Variants in ZCCHC14 observed in about 807,000 individuals in gnomAD.
ZCCHC14 encodes zinc finger CCHC-type containing 14.
Under a neutral mutation model 85.0 loss-of-function variants are expected in ZCCHC14, and 16 were observed. The ratio of observed to expected loss-of-function variants is 0.19; its 90% CI spans 0.13 to 0.29. ZCCHC14 has a LOEUF of 0.29. Among genes scored for constraint, ZCCHC14 ranks in the 10% least tolerant of loss-of-function variants. The probability of loss-of-function intolerance (pLI) is 1.00; values close to 1 mark genes in which losing one functional copy is unlikely to be tolerated. For synonymous variants in ZCCHC14, 775 were observed against 630.7 expected, an observed-to-expected ratio of 1.23 and a Z score of -3.43; for missense variants, 1,303 against 1,443.5, an observed-to-expected ratio of 0.90 and a Z score of 1.58.
chr16:87,473,830 C>A (rs190159467), intron 1 of ZCCHC14: 1 of 151,972 alleles, frequency 6.6e-6, no homozygotes, highest in Non-Finnish European at 1.5e-5. Context: ...GAGCGAGAAA[C>A]CCCTGGTTCA....
rs1253578319 is a variant in ZCCHC14, at chr16:87,481,527, GGGGGGGGGGGGGGGT to G, written c.570+10127_570+10141del. Among the ~76,000 whole-genome samples the G allele has an allele frequency of 9.7e-4, 12 of 12,340 alleles. 1 individual carries two copies. The highest frequency in any genetic ancestry group is 1.4e-3 in the Non-Finnish European group (5 of 3,452). 8.1% of individuals were successfully genotyped at this position (12,340 alleles called of 152,430 possible). A position where few individuals can be genotyped will look rare whatever the true frequency, so the allele number is the denominator to read the frequency against. On this transcript the variant is annotated intron_variant, in intron 1 of 12. Transcript: ENST00000671377. ...TGGCAAGTGTGGCAGGGAGAGAAAC[GGGGGGGGGGGGGGGT>G]GGGGGGGGGGAAGGGTAAGCGGGAG...
At position 87,412,651 on chromosome 16, in the gene ZCCHC14, C is replaced by G; in HGVS notation, c.2070G>C (p.Lys690Asn). The G allele has an allele frequency of 6.2e-7, 1 of 1,614,222 alleles. No homozygotes were observed. Among genetic ancestry groups the G allele is most frequent in the Non-Finnish European group, 8.5e-7 (1 of 1,180,050 alleles). Residue 690 changes from lysine to asparagine, a missense_variant, in exon 12 of 13, where the codon AAG (lysine) becomes AAC (asparagine). By Grantham distance (94) the Lys-to-Asn change is moderately conservative (BLOSUM62 0). This residue lies in a region of ZCCHC14 where 797 missense variants were observed against 730.8 expected (regional missense o/e 1.09). Coordinates refer to ENST00000671377, the MANE Select transcript of ZCCHC14 (RefSeq NM_015144.3). ...SGPRSSMKVD[K>N]SFGSAMMDVL... The stretch of plus-strand genomic sequence containing the variant: ...CGTCCATCATGGCGCTGCCAAAGCT[C>G]TTGTCCACTTTCATGCTGCTTCTTG...
chr16:87,434,380 C>G (rs1017565051), intron 2 of ZCCHC14, among the ~76,000 whole-genome samples: 1 of 152,120 alleles, frequency 6.6e-6, no homozygotes, highest in African/African-American at 2.4e-5. Flanking sequence ...ACTTCCCAGG[C>G]GCCAGGAGCC....
chr16:87,462,559 T>G (rs1342285230), intron 1 of ZCCHC14, among the ~76,000 whole-genome samples: 1 of 149,404 alleles, frequency 6.7e-6, no homozygotes, highest in African/African-American at 2.5e-5. Flanking sequence ...GCTAACACGG[T>G]GAAACCCCGT....
At position 87,406,505 on chromosome 16, in the gene ZCCHC14, T is replaced by C. The variant is rs1266271426; in HGVS notation, c.*3775A>G. On this transcript the variant is annotated 3_prime_UTR_variant, in exon 13 of 13. Transcript: ENST00000671377. ...TGGCTCAAAAATGGGAGAATTTTCC[T>C]TCATTCCTAAAAAGAAAATATGTCC... The C allele has an allele frequency of 1.3e-5, 2 of 152,618 alleles. No individual in the cohort carries two copies. Among genetic ancestry groups the C allele is most frequent in the Non-Finnish European group, 2.9e-5 (2 of 68,048 alleles). The allele number at this position is 152,618 out of a possible 1,614,324, so 9.5% of individuals were successfully genotyped here. A position where few individuals can be genotyped will look rare whatever the true frequency, so the allele number is the denominator to read the frequency against.
At chr16:87,415,184 TC>T in intron 9 of ZCCHC14, 91 bp downstream of exon 9, 1 of 1,011,640 alleles carries the variant, frequency 9.9e-7, no homozygotes, top group South Asian at 1.4e-5. Flanking sequence ...ACTAATCCAA[TC>T]ACTAGTATTT....
At chr16:87,451,865 G>A (rs1910722244) in intron 2 of ZCCHC14, among the ~76,000 whole-genome samples, 1 of 152,250 alleles carries the variant, frequency 6.6e-6, no homozygotes, top group African/African-American at 2.4e-5. Context: ...CAGGTCTGCT[G>A]CATTCAGATG....
chr16:87,455,466 C>T (rs1910911899), intron 2 of ZCCHC14, among the ~76,000 whole-genome samples: 1 of 152,186 alleles, frequency 6.6e-6, no homozygotes, highest in South Asian at 2.1e-4. Flanking sequence ...TAGTGCATTC[C>T]TGTTGCTTCT....
At chr16:87,433,875 C>A (rs1002693450) in intron 2 of ZCCHC14, among the ~76,000 whole-genome samples, 1 of 152,026 alleles carries the variant, frequency 6.6e-6, no homozygotes, top group African/African-American at 2.4e-5. Context: ...AACTCCTGAC[C>A]TCAGGTGATC....
At chr16:87,481,873 T>C (rs969911031) in intron 1 of ZCCHC14, among the ~76,000 whole-genome samples, 5 of 152,086 alleles carry the variant, frequency 3.3e-5, no homozygotes, top group Non-Finnish European at 5.9e-5. Context: ...TTTCTTACAG[T>C]TCTGGAGGCT....
Position 87,491,200 on chromosome 16 carries a change from C to T in ZCCHC14, c.570+469G>A, listed in dbSNP as rs1378437463. Among the ~76,000 whole-genome samples, 10 of 152,248 alleles carry T rather than the reference C, an allele frequency of 6.6e-5. No individual in the cohort carries two copies. The highest frequency in any genetic ancestry group is 6.5e-4 in the Admixed American group (10 of 15,294). On this transcript the variant is annotated intron_variant, in intron 1 of 12. Coordinates refer to ENST00000671377, the MANE Select transcript of ZCCHC14 (RefSeq NM_015144.3). This position sits in a 1 kb window ranked among gnomAD's most constrained non-coding sequence, Gnocchi z 5.9. Reference sequence around the variant, plus strand: ...TGTGAGCTCTGACCGCGGACGTCTCCCGCACCGCTCCCGCGGATCCTCGGA... The same window carrying T: ...TGTGAGCTCTGACCGCGGACGTCTCTCGCACCGCTCCCGCGGATCCTCGGA...
At chr16:87,486,597 G>A (rs1002576942) in intron 1 of ZCCHC14, among the ~76,000 whole-genome samples, 4 of 152,026 alleles carry the variant, frequency 2.6e-5, no homozygotes, top group South Asian at 4.1e-4. Flanking sequence ...CTCAATTCCC[G>A]TATCATGTAC....
At position 87,408,548 on chromosome 16, in the gene ZCCHC14, T is replaced by C. The variant is rs1035151295; in HGVS notation, c.*1732A>G. The C allele has an allele frequency of 6.6e-6, 1 of 152,634 alleles. No homozygotes were observed. The highest frequency in any genetic ancestry group is 1.5e-5 in the Non-Finnish European group (1 of 68,040). The allele number at this position is 152,634 out of a possible 1,614,324, so 9.5% of individuals were successfully genotyped here. ...GTAACATTCCCCTAAATAGCTGTTG[T>C]AATAAGCATCACCATTACTTCAACA... is the stretch of plus-strand genomic sequence containing the variant. On this transcript the variant is annotated 3_prime_UTR_variant, in exon 13 of 13. Coordinates refer to ENST00000671377, the MANE Select transcript of ZCCHC14 (RefSeq NM_015144.3).
intron 2 of ZCCHC14, among the ~76,000 whole-genome samples, chr16:87,447,410 T>C (rs1333758760): frequency 1.3e-5 from 2 of 152,166 alleles, no homozygotes; most frequent in African/African-American, 4.8e-5. Flanking sequence ...TGATCACTAA[T>C]CCTTGAATCA....
chr16:87,462,313 C>T (rs1471264495), intron 1 of ZCCHC14, among the ~76,000 whole-genome samples: 1 of 152,160 alleles, frequency 6.6e-6, no homozygotes, highest in Non-Finnish European at 1.5e-5. Flanking sequence ...CAGAAATGAA[C>T]TCCTTTCCCA....
intron 1 of ZCCHC14, among the ~76,000 whole-genome samples, chr16:87,479,183 G>A (rs1303018035): frequency 1.3e-5 from 2 of 152,210 alleles, no homozygotes; most frequent in South Asian, 2.1e-4. Context: ...GTGGGAGGCT[G>A]AGGCGGGCAG....
chr16:87,462,694 C>G (rs990053943), intron 1 of ZCCHC14, among the ~76,000 whole-genome samples: 16 of 150,512 alleles, frequency 1.1e-4, no homozygotes, highest in African/African-American at 3.4e-4. Context: ...GAGCCGAGAT[C>G]GCGCCCCAGC....
intron 1 of ZCCHC14, chr16:87,471,896 G>A (rs944749919): frequency 6.6e-6 from 1 of 152,264 alleles, no homozygotes; most frequent in Non-Finnish European, 1.5e-5. Flanking sequence ...TGCCTTCCTA[G>A]CCCCTCCTTG....
chr16:87,461,480 T>C (rs943241495), intron 1 of ZCCHC14, among the ~76,000 whole-genome samples: 1 of 152,238 alleles, frequency 6.6e-6, no homozygotes, highest in Non-Finnish European at 1.5e-5. Flanking sequence ...TAAGCAATGC[T>C]GCATTCACAG....
Sources: gnomAD v4.1 joint callset for allele counts (sites outside exome capture counted in the v4.1 genomes callset) on GRCh38, gnomAD v4.1.1 for gene constraint, gnomAD v4.1.1 regional missense constraint, Gnocchi (gnomAD v3.1) non-coding constraint, MANE v1.5 for transcripts, NCBI Gene and HGNC (gene_info 2026-07-23, HGNC 2026-07-21) for gene names.